The following MICALL2 variants were observed in gnomAD, a reference collection of about 807,000 sequenced individuals.
The protein encoded by MICALL2 is MICAL-like protein 2.
A neutral mutation model predicts 91.1 loss-of-function variants in MICALL2; 111 were observed. The observed-to-expected ratio is 1.22, with a 90% confidence interval of 1.04 to 1.43. MICALL2 has a LOEUF of 1.43. Among genes scored for constraint, MICALL2 ranks in the 40% most tolerant of loss-of-function variants. MICALL2 has a pLI of 0.00. For synonymous variants in MICALL2, 694 were observed against 525.3 expected (o/e 1.32, Z -4.39); for missense variants, 1,556 against 1,236.0 (o/e 1.26, Z -3.88).
chr7:1,437,187 G>A (rs991059330), intron 14 of MICALL2: 1 of 484,516 alleles, frequency 2.1e-6, no homozygotes, highest in Non-Finnish European at 3.6e-6. Flanking sequence ...CTCAGCCAGG[G>A]CACCCTGCAT....
At position 1,439,033 on chromosome 7, in the gene MICALL2, C is replaced by T. The variant is rs760403905; in HGVS notation, c.1967-38G>A. 1.5e-5 allele frequency: 22 copies of T among 1,509,430 alleles called. No individual in the cohort carries two copies. In the African/African-American group the frequency reaches 2.7e-4, roughly 19 times the overall value. The allele number at this position is 1,509,430 out of a possible 1,614,324, so 93.5% of individuals were successfully genotyped here. A position where few individuals can be genotyped will look rare whatever the true frequency, so the allele number is the denominator to read the frequency against. On this transcript the variant is annotated intron_variant, in intron 9 of 16. Transcript: ENST00000297508. ...GGGGAGACAGAGCCACGCTTCAGAG[C>T]AGGGCCACTGGGAGCCTGGGGTCTG...
chr7:1,450,489 C>T (rs1039823635), intron 1 of MICALL2: 4 of 584,036 alleles, frequency 6.8e-6, no homozygotes, highest in African/African-American at 1.9e-5. Flanking sequence ...CTGCTGGGAC[C>T]GTAGTACGAC....
intron 9 of MICALL2, 99 bp from the exon 10 acceptor site, chr7:1,439,094 C>T (rs1780133837): frequency 1.9e-5 from 18 of 969,234 alleles, no homozygotes; most frequent in Non-Finnish European, 2.7e-5. Context: ...GGTAGCCCGG[C>T]CATCCCCATG....
At chr7:1,439,438 A>G (rs1780156157) in intron 9 of MICALL2, 1 of 204,680 alleles carries the variant, frequency 4.9e-6, no homozygotes. Context: ...AGATGTACAC[A>G]TGGACACACA....
chr7:1,457,253 G>A (rs748680268), intron 1 of MICALL2, among the ~76,000 whole-genome samples: 4 of 152,168 alleles, frequency 2.6e-5, no homozygotes, highest in African/African-American at 4.8e-5. Context: ...GGTATCTACC[G>A]AGCCCAGTTC....
rs765337815 is a variant in MICALL2, at chr7:1,444,999, C to T, written c.1071G>A (p.Ala357=). 7.4e-5 allele frequency: 112 copies of T among 1,510,296 alleles called. 1 individual carries two copies. The Admixed American group carries it at 9.1e-4, about 12-fold the overall frequency. 93.6% of individuals were successfully genotyped at this position (1,510,296 alleles called of 1,614,324 possible). A position where few individuals can be genotyped will look rare whatever the true frequency, so the allele number is the denominator to read the frequency against. ...GWSSAAPCTA[A]AASHPAVPPS... The stretch of plus-strand genomic sequence containing the variant: ...GGGGCACGGCGGGATGGGAGGCAGC[C>T]GCTGCTGTGCACGGGGCAGCTGACG... Residue 357 remains alanine (A), a synonymous_variant, in exon 6 of 17, where the codon GCG becomes GCA. Transcript: ENST00000297508.
intron 15 of MICALL2, among the ~76,000 whole-genome samples, chr7:1,435,860 G>A (rs908146740): frequency 1.3e-5 from 2 of 152,044 alleles, no homozygotes; most frequent in African/African-American, 2.4e-5. Flanking sequence ...GACCATCCTG[G>A]CTAACATGGG....
At chr7:1,437,753 A>G (rs540364310) in intron 13 of MICALL2, 137 bp downstream of exon 13, 3 of 1,208,864 alleles carry the variant, frequency 2.5e-6, no homozygotes, top group Admixed American at 4.1e-5. Flanking sequence ...TGGCCCACCC[A>G]GACCGCAACG....
rs569113159 is a variant in MICALL2, at chr7:1,440,817, C to T, written c.1712-133G>A. The T allele has an allele frequency of 4.5e-5, 32 of 717,718 alleles. 1 individual carries two copies. The highest frequency in any genetic ancestry group is 3.8e-4 in the Middle Eastern group (1 of 2,666). The allele number at this position is 717,718 out of a possible 1,614,324, so 44.5% of individuals were successfully genotyped here. A position where few individuals can be genotyped will look rare whatever the true frequency, so the allele number is the denominator to read the frequency against. ...TCAGACACCCCCACAGCCAGCCGGC[C>T]GGGGGGCATCAGGAGCACCGGGCAG... On this transcript the variant is annotated intron_variant, in intron 7 of 16. Transcript: ENST00000297508.
chr7:1,437,563 G>A lies in MICALL2; in HGVS notation c.2448C>T (p.Gly816=), dbSNP rs568037566. ...GCTTGGCCATGAGCCGGCGCAGCTCGCCCTCGATGTCCAGCTGCTGCTCCT... is the reference window on the plus strand; with the variant it reads ...GCTTGGCCATGAGCCGGCGCAGCTCACCCTCGATGTCCAGCTGCTGCTCCT... ...RLEEQQLDIE[G]ELRRLMAKPE... Residue 816 remains glycine, a synonymous_variant, in exon 14 of 17, where the codon GGC becomes GGT. Coordinates refer to ENST00000297508, the MANE Select transcript of MICALL2 (RefSeq NM_182924.4). The A allele has an allele frequency of 3.5e-5, 54 of 1,533,226 alleles. No individual in the cohort carries two copies. Among genetic ancestry groups the A allele is most frequent in the African/African-American group, 3.2e-4 (23 of 72,606 alleles). 95.0% of individuals were successfully genotyped at this position (1,533,226 alleles called of 1,614,324 possible). A position where few individuals can be genotyped will look rare whatever the true frequency, so the allele number is the denominator to read the frequency against.
chr7:1,458,143 G>A (rs979818935), intron 1 of MICALL2, among the ~76,000 whole-genome samples: 2 of 152,260 alleles, frequency 1.3e-5, no homozygotes, highest in Admixed American at 6.5e-5. Flanking sequence ...GCTTCCTGCA[G>A]AGAGTGGGAC....
chr7:1,446,650 G>T, intron 5 of MICALL2, 63 bp downstream of exon 5: 1 of 1,250,182 alleles, frequency 8.0e-7, no homozygotes, highest in Non-Finnish European at 1.1e-6. Context: ...GGCGATGGGA[G>T]CTGTGGGAGG....
At chr7:1,436,986 G>C in intron 14 of MICALL2, 130 bp from the exon 15 acceptor site, 1 of 612,540 alleles carries the variant, frequency 1.6e-6, no homozygotes, top group Non-Finnish European at 2.7e-6. Context: ...GGGGGATCCG[G>C]AGCAGAATGA....
intron 9 of MICALL2, 161 bp from the exon 10 acceptor site, chr7:1,439,156 G>A (rs527446348): frequency 5.8e-5 from 35 of 608,550 alleles, no homozygotes; most frequent in African/African-American, 5.4e-4. Context: ...CTACACCCAC[G>A]TCCTGCCCAA....
intron 1 of MICALL2, among the ~76,000 whole-genome samples, chr7:1,454,629 G>A (rs1028700105): frequency 6.6e-6 from 1 of 152,222 alleles, no homozygotes; most frequent in Non-Finnish European, 1.5e-5. Flanking sequence ...CGGCCACAGA[G>A]GTCTGGCTAC....
chr7:1,449,188 T>C (rs1021535813), intron 2 of MICALL2, among the ~76,000 whole-genome samples: 1 of 152,226 alleles, frequency 6.6e-6, no homozygotes, highest in African/African-American at 2.4e-5. Context: ...TGAGGGCCGC[T>C]AGAGGCTGAG....
In MICALL2 at chr7:1,440,047, G is replaced by T. The variant is rs143197912; in HGVS notation, c.1844C>A (p.Pro615Gln). The part of the protein sequence containing the change: ...KPKEPRALAE[P>Q]RAGEAPRKVS... ...CTTCCTGGGGGCCTCCCCCGCCCTC[G>T]GCTCTGCCAGGGCCCGTGGTTCCTT... is the stretch of plus-strand genomic sequence containing the variant. The change falls in exon 9 of 17, where the codon CCG becomes CAG. Residue 615 changes from proline (P) to glutamine (Q), a missense_variant. Transcript: ENST00000297508. 16 of 1,581,122 alleles carry T rather than the reference G, an allele frequency of 1.0e-5. No individual in the cohort carries two copies. In the South Asian group the frequency reaches 1.5e-4, roughly 15 times the overall value.
intron 1 of MICALL2, among the ~76,000 whole-genome samples, chr7:1,456,447 G>A (rs1248023439): frequency 1.3e-5 from 2 of 152,128 alleles, no homozygotes; most frequent in Non-Finnish European, 2.9e-5. Context: ...TCGGCTGGGT[G>A]TGGGGGTGCA....
At position 1,440,616 on chromosome 7, in the gene MICALL2, C is replaced by G. The variant is rs142703120; in HGVS notation, c.1780G>C (p.Val594Leu). 6.2e-7 allele frequency: 1 copy of G among 1,612,754 alleles called. No individual in the cohort carries two copies. Among genetic ancestry groups the G allele is most frequent in the Non-Finnish European group, 8.5e-7 (1 of 1,179,924 alleles). Residue 594 changes from valine (V) to leucine (L), a missense_variant, in exon 8 of 17, where the codon GTG (valine) becomes CTG (leucine). Physicochemically the swap from Val to Leu is conservative, Grantham distance 32. Transcript: ENST00000297508. ...PAGWRANLKPVDRRSPAERTL... is the reference protein window; with the variant it reads ...PAGWRANLKPLDRRSPAERTL... ...CTCTCAGCTGGGCTTCTCCTGTCCA[C>G]GGGCTTCAGATTCGCTCTCCATCCT...
Sources: allele counts gnomAD v4.1 joint callset (sites outside exome capture counted in the v4.1 genomes callset), GRCh38; gene constraint gnomAD v4.1.1; transcripts MANE v1.5; gene names NCBI Gene and HGNC (gene_info 2026-07-23, HGNC 2026-07-21).